Variants in IDNK observed in about 807,000 individuals in gnomAD.
The protein encoded by IDNK is IDNK gluconokinase.
In IDNK, 9 loss-of-function variants were observed where a neutral mutation model predicts 13.0. That is an observed-to-expected ratio of 0.69 (90% CI 0.42 to 1.21). IDNK has a LOEUF of 1.21. IDNK is among the 50% of genes most tolerant of loss of function. The pLI, the probability that IDNK is intolerant of heterozygous loss-of-function variation, is 0.00. For synonymous variants in IDNK, 92 were observed against 94.9 expected, an observed-to-expected ratio of 0.97 and a Z score of 0.18; for missense variants, 210 against 237.8, an observed-to-expected ratio of 0.88 and a Z score of 0.77.
In IDNK at chr9:83,643,650, CT is replaced by C; in HGVS notation, c.435del (p.Glu146AsnfsTer22). On this transcript the variant is annotated frameshift_variant, in exon 5 of 5. Transcript: ENST00000376419. LOFTEE classifies it high-confidence loss of function. ...LLKREGHFMP[P>X]ELLQSQFETL... is the part of the protein sequence containing the mutation. ...AAAAGAGAGGGACATTTTATGCCCC[CT>C]GAATTATTGCAGTCCCAGTTTGAGA... The C allele has an allele frequency of 6.2e-7, 1 of 1,613,962 alleles. No homozygotes were observed. The highest frequency in any genetic ancestry group is 1.1e-5 in the South Asian group (1 of 91,068).
intron 3 of IDNK, among the ~76,000 whole-genome samples, chr9:83,631,549 G>A (rs1350995135): frequency 2.0e-5 from 3 of 151,524 alleles, no homozygotes; most frequent in Non-Finnish European, 4.4e-5. Flanking sequence ...GAGTTCGAGG[G>A]TACAGTGAGC....
rs141466880 is a variant in IDNK at position 83,636,411 on chromosome 9, G to A, written c.169-5137G>A. Among the ~76,000 whole-genome samples, 353 of 152,230 alleles carry A rather than the reference G, an allele frequency of 2.3e-3. 2 individuals are homozygous for A. Among genetic ancestry groups the A allele is most frequent in the Middle Eastern group, 0.014 (4 of 294 alleles). ...ATTGTCCCTGTAGCCTATAATCCTT[G>A]ACATCCTTCTTCCCCATTCCCCACC... On this transcript the variant is annotated intron_variant, in intron 3 of 4. Transcript: ENST00000376419.
intron 2 of IDNK, 90 bp downstream of exon 2, chr9:83,628,301 C>A: frequency 1.7e-6 from 2 of 1,148,482 alleles, no homozygotes; most frequent in Non-Finnish European, 2.6e-6. Flanking sequence ...TTTGTACAGA[C>A]ACTTCCACAT....
rs922524009 is a variant in IDNK at position 83,643,528 on chromosome 9, G to A, written c.312G>A (p.Lys104=). The A allele has an allele frequency of 1.2e-6, 2 of 1,613,750 alleles. No homozygotes were observed. The highest frequency in any genetic ancestry group is 2.7e-5 in the African/African-American group (2 of 74,838). The change falls in exon 5 of 5, where the codon AAG becomes AAA. Residue 104 remains lysine, a synonymous_variant. Coordinates refer to ENST00000376419, the MANE Select transcript of IDNK (RefSeq NM_001001551.4). ...AAGGAAAAGATGGTGTAGCTCTGAAGTGTGAGGAGTCGGGAAAGGAAGCAA... is the reference window on the plus strand; with the variant it reads ...AAGGAAAAGATGGTGTAGCTCTGAAATGTGAGGAGTCGGGAAAGGAAGCAA... ...LTQGKDGVAL[K]CEESGKEAKQ... is the part of the protein sequence containing the mutation.
At chr9:83,641,852 T>A (rs1040455022) in intron 4 of IDNK, among the ~76,000 whole-genome samples, 1 of 152,232 alleles carries the variant, frequency 6.6e-6, no homozygotes, top group African/African-American at 2.4e-5. Context: ...GCTACTTGGT[T>A]TCCATAAGTC....
At chr9:83,642,948 G>C (rs1831353024) in intron 4 of IDNK, among the ~76,000 whole-genome samples, 1 of 152,172 alleles carries the variant, frequency 6.6e-6, no homozygotes, top group Non-Finnish European at 1.5e-5. Flanking sequence ...AGACACTGTA[G>C]AGTAGGAATG....
rs966346740 is a variant in IDNK at position 83,628,950 on chromosome 9, C to T, written c.159C>T (p.Leu53=). Residue 53 remains leucine (L), a synonymous_variant, in exon 3 of 5, where the codon CTC becomes CTT. Transcript: ENST00000376419. ...GGAAGATGGGAAAAGGCATACCGCT[C>T]AATGACCAGGTAACAATTGCTGTCT... is the stretch of plus-strand genomic sequence containing the variant. The part of the protein sequence containing the change: ...NRRKMGKGIP[L]NDQDRIPWLC... 30 of 1,612,664 alleles carry T rather than the reference C, an allele frequency of 1.9e-5. No individual in the cohort carries two copies. The highest frequency in any genetic ancestry group is 2.5e-5 in the Non-Finnish European group (29 of 1,178,778).
intron 3 of IDNK, among the ~76,000 whole-genome samples, chr9:83,637,049 G>A (rs369996301): frequency 2.0e-5 from 3 of 152,324 alleles, no homozygotes; most frequent in African/African-American, 7.2e-5. Flanking sequence ...TCAGCTCTAA[G>A]TACATACATG....
chr9:83,635,432 A>C (rs932343070), intron 3 of IDNK, among the ~76,000 whole-genome samples: 4 of 152,258 alleles, frequency 2.6e-5, no homozygotes, highest in African/African-American at 7.2e-5. Context: ...CTTGCTAATG[A>C]GAATACGATG....
In IDNK at chr9:83,628,766, A is replaced by T. The variant is rs907528620; in HGVS notation, c.82-107A>T. ...GGGGTTGTCCTTGGGGTTGATGGGAACCAGGCGGGTGGTATTGTTTCTACA... is the reference window on the plus strand; with the variant it reads ...GGGGTTGTCCTTGGGGTTGATGGGATCCAGGCGGGTGGTATTGTTTCTACA... On this transcript the variant is annotated intron_variant, in intron 2 of 4. Coordinates refer to ENST00000376419, the MANE Select transcript of IDNK (RefSeq NM_001001551.4). The T allele has an allele frequency of 3.9e-5, 30 of 772,728 alleles. 1 individual carries two copies. The highest frequency in any genetic ancestry group is 2.5e-4 in the South Asian group (16 of 64,058). 47.9% of individuals were successfully genotyped at this position (772,728 alleles called of 1,614,324 possible).
chr9:83,628,969 G>A lies in IDNK; in HGVS notation c.168+10G>A, dbSNP rs761446995. The A allele has an allele frequency of 5.6e-6, 9 of 1,606,418 alleles. No homozygotes were observed. The Admixed American group carries it at 1.3e-4, about 24-fold the overall frequency. On this transcript the variant is annotated intron_variant, in intron 3 of 4. Coordinates refer to ENST00000376419, the MANE Select transcript of IDNK (RefSeq NM_001001551.4). ...ACCGCTCAATGACCAGGTAACAATT[G>A]CTGTCTGTGTCCATCACACATATTC...
At chr9:83,626,276 G>C (rs1417430588) in intron 1 of IDNK, among the ~76,000 whole-genome samples, 1 of 152,176 alleles carries the variant, frequency 6.6e-6, no homozygotes, top group East Asian at 1.9e-4. Context: ...GAGTCCAGGT[G>C]TTCTCTGGTT....
At chr9:83,635,412 T>C (rs1321534106) in intron 3 of IDNK, among the ~76,000 whole-genome samples, 3 of 152,194 alleles carry the variant, frequency 2.0e-5, no homozygotes, top group Non-Finnish European at 4.4e-5. Context: ...CATGCATTAG[T>C]AGGAAAAGGC....
intron 3 of IDNK, among the ~76,000 whole-genome samples, chr9:83,635,644 C>G (rs2131630145): frequency 6.6e-6 from 1 of 152,358 alleles, no homozygotes; most frequent in South Asian, 2.1e-4. Context: ...TGACCTTACA[C>G]ATCGCTGCCC....
At position 83,641,608 on chromosome 9, in the gene IDNK, C is replaced by A; in HGVS notation, c.212+17C>A. 8.7e-6 allele frequency: 14 copies of A among 1,613,524 alleles called. No individual in the cohort carries two copies. Among genetic ancestry groups the A allele is most frequent in the Non-Finnish European group, 1.2e-5 (14 of 1,179,604 alleles). ...TTTACTAAGGTAAGAGACCACCAGG[C>A]CTTGGCATAAGCCAAAGCCAGCAGG... On this transcript the variant is annotated intron_variant, in intron 4 of 4. Coordinates refer to ENST00000376419, the MANE Select transcript of IDNK (RefSeq NM_001001551.4).
At chr9:83,628,313 G>C (rs576403486) in intron 2 of IDNK, 102 bp downstream of exon 2, 2 of 1,038,482 alleles carry the variant, frequency 1.9e-6, no homozygotes, top group African/African-American at 3.2e-5. Flanking sequence ...CTTCCACATG[G>C]CTTTGAACCC....
chr9:83,628,917 A>G lies in IDNK; in HGVS notation c.126A>G (p.Glu42=), dbSNP rs879545944. Residue 42 remains glutamate (E), a synonymous_variant, in exon 3 of 5, where the codon GAA becomes GAG. Coordinates refer to ENST00000376419, the MANE Select transcript of IDNK (RefSeq NM_001001551.4). ...FYDADDYHPE[E]NRRKMGKGIP... The stretch of plus-strand genomic sequence containing the variant: ...ATGCTGATGATTATCACCCGGAGGA[A>G]AATCGAAGGAAGATGGGAAAAGGCA... The G allele has an allele frequency of 2.5e-5, 40 of 1,614,036 alleles. No individual in the cohort carries two copies. The highest frequency in any genetic ancestry group is 3.1e-5 in the Non-Finnish European group (37 of 1,180,002).
intron 1 of IDNK, chr9:83,626,701 G>C (rs1213465304): frequency 7.9e-7 from 1 of 1,270,210 alleles, no homozygotes; most frequent in South Asian, 1.3e-5. Context: ...ATAGGCGTGA[G>C]CCAAGGGCTC....
intron 3 of IDNK, among the ~76,000 whole-genome samples, chr9:83,638,377 T>C (rs888952243): frequency 2.0e-5 from 3 of 152,068 alleles, no homozygotes; most frequent in African/African-American, 7.2e-5. Context: ...GAAAAGCAGA[T>C]TGGAGGATAT....
Sources: allele counts gnomAD v4.1 joint callset (sites outside exome capture counted in the v4.1 genomes callset), GRCh38; gene constraint gnomAD v4.1.1; transcripts MANE v1.5; gene names NCBI Gene and HGNC (gene_info 2026-07-23, HGNC 2026-07-21).